ZNF600: variants seen among roughly 807,000 people sequenced by gnomAD.
ZNF600 encodes the protein zinc finger protein KR-ZNF1.
In ZNF600, 4 loss-of-function variants were observed where a neutral mutation model predicts 7.3. The observed-to-expected ratio is 0.55, with a 90% confidence interval of 0.27 to 1.25. The LOEUF (loss-of-function observed/expected upper bound fraction) is 1.25, where lower values mean the gene tolerates loss of function less well. Ranked by LOEUF, ZNF600 falls within the 50% of genes most tolerant of loss-of-function variation. The pLI is 0.12. For synonymous variants in ZNF600, 290 were observed against 308.9 expected (o/e 0.94, Z 0.64); for missense variants, 911 against 922.1 (o/e 0.99, Z 0.16).
chr19:52,831,239 G>A, the ZNF600 span, among the ~76,000 whole-genome samples: 28 of 152,120 alleles, frequency 1.8e-4, no homozygotes, highest in Non-Finnish European at 4.4e-5. Flanking sequence ...ATGTGTCTGT[G>A]GAAACAGAGA....
intron 2 of ZNF600, among the ~76,000 whole-genome samples, chr19:52,777,377 T>TA (rs999792352): frequency 6.7e-6 from 1 of 150,264 alleles, no homozygotes; most frequent in Non-Finnish European, 1.5e-5. Flanking sequence ...ACTCCATCTC[T>TA]AAAAAGTAAA....
At chr19:52,794,946 C>T in the ZNF600 span, among the ~76,000 whole-genome samples, 1 of 152,152 alleles carries the variant, frequency 6.6e-6, no homozygotes, top group African/African-American at 2.4e-5. Flanking sequence ...GGCATGAATC[C>T]TAAACATAAT....
the ZNF600 span, among the ~76,000 whole-genome samples, chr19:52,829,115 C>A: frequency 1.3e-5 from 2 of 151,796 alleles, no homozygotes; most frequent in Non-Finnish European, 2.9e-5. Flanking sequence ...TCACCCGCCT[C>A]GGCCTCCCAA....
At chr19:52,816,533 G>T in the ZNF600 span, among the ~76,000 whole-genome samples, 1 of 144,890 alleles carries the variant, frequency 6.9e-6, no homozygotes. Flanking sequence ...GCATGGTGGC[G>T]GGTGCCTGTA....
At chr19:52,772,573 A>ATTT (rs2062638975) in intron 3 of ZNF600, among the ~76,000 whole-genome samples, 1 of 152,206 alleles carries the variant, frequency 6.6e-6, no homozygotes, top group African/African-American at 2.4e-5. Flanking sequence ...ATTGCACTTA[A>ATTT]GCCTGGGCAA....
At chr19:52,789,246 C>A (rs545724914), upstream of ZNF600, among the ~76,000 whole-genome samples, 1 of 152,090 alleles carries the variant, frequency 6.6e-6, no homozygotes, top group African/African-American at 2.4e-5. Flanking sequence ...AAAGGAGCAA[C>A]CTGAGTCCCA....
chr19:52,820,435 G>C, the ZNF600 span, among the ~76,000 whole-genome samples: 15 of 149,924 alleles, frequency 1.0e-4, 2 homozygotes, highest in Non-Finnish European at 1.5e-4. Flanking sequence ...ACCTCTTGTT[G>C]GTCCTTCTCC....
upstream of ZNF600, among the ~76,000 whole-genome samples, chr19:52,791,299 C>T (rs370401525): frequency 3.9e-5 from 6 of 152,298 alleles, no homozygotes; most frequent in South Asian, 2.1e-4. Context: ...CCCAGTGGAG[C>T]CTCTTCCCAA....
the ZNF600 span, among the ~76,000 whole-genome samples, chr19:52,824,079 A>AAATAAT: frequency 6.0e-4 from 90 of 150,992 alleles, no homozygotes; most frequent in African/African-American, 1.7e-3. Context: ...AACAAAAAAT[A>AAATAAT]AATAATAATA....
chr19:52,827,156 T>A, the ZNF600 span, among the ~76,000 whole-genome samples: 37 of 149,740 alleles, frequency 2.5e-4, no homozygotes, highest in African/African-American at 8.6e-4. Flanking sequence ...AATGTGTGGA[T>A]CACTTGAGAC....
upstream of ZNF600, among the ~76,000 whole-genome samples, chr19:52,787,073 T>C (rs182317806): frequency 3.3e-3 from 500 of 152,400 alleles, 19 homozygotes; most frequent in Admixed American, 0.026. Flanking sequence ...TTCATGCTGA[T>C]GGCCCACAGA....
Position 52,766,668 on chromosome 19 carries a change from C to T in ZNF600, c.1295G>A (p.Cys432Tyr). The change falls in exon 4 of 4, where the codon TGT becomes TAT. Residue 432 changes from cysteine to tyrosine, a missense_variant. Cys to Tyr is a radical substitution (Grantham distance 194). Transcript: ENST00000648973. ...TGACTTGTGACTGAAGGTCTTGCCA[C>T]ACTCATTACACTTGTAAGTTTTCTC... 6.2e-7 allele frequency: 1 copy of T among 1,614,198 alleles called. No individual in the cohort carries two copies. The highest frequency in any genetic ancestry group is 8.5e-7 in the Non-Finnish European group (1 of 1,180,040).
chr19:52,822,023 G>A, the ZNF600 span, among the ~76,000 whole-genome samples: 1 of 149,460 alleles, frequency 6.7e-6, no homozygotes, highest in East Asian at 2.0e-4. Context: ...ATTTGTAAAA[G>A]AGATCTATTA....
chr19:52,821,731 C>G, the ZNF600 span: 2 of 152,106 alleles, frequency 1.3e-5, no homozygotes, highest in Non-Finnish European at 2.9e-5. Flanking sequence ...CGCGAAGCGG[C>G]GAGACCTTGC....
rs533192600 is a variant in ZNF600 at position 52,775,026 on chromosome 19, T to G, written c.64-325A>C. 8.0e-4 allele frequency among the ~76,000 whole-genome samples: 121 copies of G among 152,172 alleles called. 1 individual carries two copies. Among genetic ancestry groups the G allele is most frequent in the Middle Eastern group, 6.8e-3 (2 of 294 alleles). On this transcript the variant is annotated intron_variant, in intron 2 of 3. Coordinates refer to ENST00000648973, the Ensembl canonical transcript of ZNF600. ...AGGCCAAGGCGGGCAGATTATTTGA[T>G]GTCAAGAGTTCGAGACCACCCTGGC...
At chr19:52,811,796 G>T in the ZNF600 span, among the ~76,000 whole-genome samples, 1 of 140,186 alleles carries the variant, frequency 7.1e-6, no homozygotes, top group Non-Finnish European at 1.6e-5. Context: ...CAGCCGCCCC[G>T]TCCGGGAGGT....
the ZNF600 span, chr19:52,798,373 C>A: frequency 2.8e-6 from 1 of 358,098 alleles, no homozygotes; most frequent in South Asian, 2.3e-5. Context: ...AAACTCAGGT[C>A]AGTGCTCATT....
chr19:52,817,143 T>C, the ZNF600 span, among the ~76,000 whole-genome samples: 2 of 152,124 alleles, frequency 1.3e-5, no homozygotes, highest in East Asian at 1.9e-4. Flanking sequence ...GAAGCCAAAG[T>C]AGGCGGATCG....
chr19:52,793,130 G>A, the ZNF600 span, among the ~76,000 whole-genome samples: 4 of 151,832 alleles, frequency 2.6e-5, no homozygotes, highest in Non-Finnish European at 5.9e-5. Flanking sequence ...TGACTGTAAT[G>A]TACGCCTTGA....
Sources: gnomAD v4.1 joint callset for allele counts (sites outside exome capture counted in the v4.1 genomes callset) on GRCh38, gnomAD v4.1.1 for gene constraint, MANE v1.5 for transcripts, NCBI Gene and HGNC (gene_info 2026-07-23, HGNC 2026-07-21) for gene names.